The following TXNDC16 variants were observed in gnomAD, a reference collection of about 807,000 sequenced individuals.
TXNDC16 encodes thioredoxin domain containing 16.
In TXNDC16, 74 loss-of-function variants were observed where a neutral mutation model predicts 85.6. That is an observed-to-expected ratio of 0.86 (90% CI 0.72 to 1.05). The LOEUF (loss-of-function observed/expected upper bound fraction) is 1.05. Ranked by LOEUF, TXNDC16 falls within the 50% of genes least tolerant of loss-of-function variation. The pLI is 0.00. For missense variants in TXNDC16, 959 were observed against 947.0 expected, an observed-to-expected ratio of 1.01 and a Z score of -0.17; for synonymous variants, 335 against 326.5, an observed-to-expected ratio of 1.03 and a Z score of -0.28.
At chr14:52,470,215 A>G (rs763242159) in intron 15 of TXNDC16, 42 bp from the exon 16 acceptor site, 4 of 1,449,676 alleles carry the variant, frequency 2.8e-6, no homozygotes, top group Admixed American at 4.3e-5. Flanking sequence ...ATTTTTTAAG[A>G]TATTTTCAGT....
At chr14:52,449,901 A>G (rs766885960) in intron 18 of TXNDC16, among the ~76,000 whole-genome samples, 16 of 151,878 alleles carry the variant, frequency 1.1e-4, no homozygotes, top group Non-Finnish European at 2.4e-4. Context: ...AATTTCTTGG[A>G]AAAAAACCAT....
intron 18 of TXNDC16, among the ~76,000 whole-genome samples, chr14:52,446,225 C>T (rs1360362405): frequency 1.3e-5 from 2 of 152,170 alleles, no homozygotes; most frequent in Non-Finnish European, 2.9e-5. Context: ...CTGGCAGTGG[C>T]CACACTGCAT....
intron 20 of TXNDC16, among the ~76,000 whole-genome samples, chr14:52,438,665 T>C (rs1446890043): frequency 6.6e-6 from 1 of 152,196 alleles, no homozygotes; most frequent in Non-Finnish European, 1.5e-5. Context: ...GGTGGTCTCA[T>C]ACTGAACCCT....
intron 19 of TXNDC16, among the ~76,000 whole-genome samples, chr14:52,439,597 T>C (rs568197581): frequency 4.7e-4 from 71 of 152,348 alleles, no homozygotes; most frequent in Non-Finnish European, 7.5e-4. Flanking sequence ...TGGGGCACTT[T>C]GTTTCACTTG....
intron 2 of TXNDC16, 26 bp from the exon 3 acceptor site, chr14:52,543,656 G>A (rs2037882697): frequency 7.7e-7 from 1 of 1,301,640 alleles, no homozygotes; most frequent in Non-Finnish European, 1.1e-6. Flanking sequence ...TATTCAACAA[G>A]AGTTTGTTGA....
chr14:52,528,811 G>T (rs918547422), intron 6 of TXNDC16, among the ~76,000 whole-genome samples: 5 of 145,222 alleles, frequency 3.4e-5, no homozygotes, highest in Non-Finnish European at 7.5e-5. Flanking sequence ...TTCATATACT[G>T]GTATATATAT....
At chr14:52,552,125 A>C (rs917977367) in intron 1 of TXNDC16, among the ~76,000 whole-genome samples, 191 bp downstream of exon 1, 4 of 152,186 alleles carry the variant, frequency 2.6e-5, no homozygotes, top group African/African-American at 4.8e-5. Context: ...CCCGCCGTTC[A>C]TGCAGCGAAA....
chr14:52,505,770 C>A (rs1349590290), intron 9 of TXNDC16, among the ~76,000 whole-genome samples: 1 of 152,068 alleles, frequency 6.6e-6, no homozygotes, highest in Non-Finnish European at 1.5e-5. Flanking sequence ...TCAAAAAAAT[C>A]AATGAATCCA....
At position 52,517,929 on chromosome 14, in the gene TXNDC16, C is replaced by T. The variant is rs114303223; in HGVS notation, c.514+1243G>A. Among the ~76,000 whole-genome samples, 1,432 of 152,252 alleles carry T rather than the reference C, an allele frequency of 9.4e-3. 23 individuals are homozygous for T. Among genetic ancestry groups the T allele is most frequent in the African/African-American group, 0.033 (1,370 of 41,544 alleles). The stretch of plus-strand genomic sequence containing the variant: ...TATATCCCTCCTATCAGGCATTAAA[C>T]CCCTACCACTCTACAGAAACTGTGC... On this transcript the variant is annotated intron_variant, in intron 7 of 20. Transcript: ENST00000281741.
intron 8 of TXNDC16, among the ~76,000 whole-genome samples, chr14:52,511,954 T>C (rs1451688404): frequency 6.6e-6 from 1 of 152,156 alleles, no homozygotes; most frequent in Non-Finnish European, 1.5e-5. Context: ...CCCTTCAGCA[T>C]GAGAATTCAA....
chr14:52,438,582 A>G (rs2035087391), intron 20 of TXNDC16, among the ~76,000 whole-genome samples: 1 of 152,232 alleles, frequency 6.6e-6, no homozygotes, highest in Admixed American at 6.5e-5. Flanking sequence ...TATAGTGTAA[A>G]CATAACTTTT....
intron 9 of TXNDC16, among the ~76,000 whole-genome samples, chr14:52,509,090 A>C (rs1222920504): frequency 6.6e-6 from 1 of 152,062 alleles, no homozygotes; most frequent in African/African-American, 2.4e-5. Context: ...CCTAGTAAGC[A>C]TCATAAAGTG....
rs754810900 is a variant in TXNDC16, at chr14:52,537,698, A to C, written c.244-26T>G. The C allele has an allele frequency of 2.2e-6, 3 of 1,363,544 alleles. No homozygotes were observed. The South Asian group carries it at 3.5e-5, about 16-fold the overall frequency. 84.5% of individuals were successfully genotyped at this position (1,363,544 alleles called of 1,614,324 possible). On this transcript the variant is annotated intron_variant, in intron 4 of 20. Transcript: ENST00000281741. ...CTTTAAAAGAGTATACTTAAGTTTT[A>C]GCATATATATCAAAAGGTCAAGTTT...
chr14:52,446,042 C>T lies in TXNDC16; in HGVS notation c.1843-5318G>A, dbSNP rs191806237. Among the ~76,000 whole-genome samples, 61 of 152,254 alleles carry T rather than the reference C, an allele frequency of 4.0e-4. No individual in the cohort carries two copies. In the East Asian group the frequency reaches 7.7e-3, roughly 19 times the overall value. The stretch of plus-strand genomic sequence containing the variant: ...TACTCTACCAGTCATCCCCTCTTCC[C>T]CTGCAATGACTACTGCAATTTAACA... On this transcript the variant is annotated intron_variant, in intron 18 of 20. Transcript: ENST00000281741.
chr14:52,506,524 AC>A (rs1466825885), intron 9 of TXNDC16, among the ~76,000 whole-genome samples: 3 of 112,456 alleles, frequency 2.7e-5, no homozygotes, highest in Non-Finnish European at 5.3e-5. Flanking sequence ...AATTTCAACA[AC>A]CCTTTTTTTT....
intron 18 of TXNDC16, among the ~76,000 whole-genome samples, chr14:52,450,402 T>A (rs774299238): frequency 2.1e-5 from 3 of 143,522 alleles, no homozygotes; most frequent in Admixed American, 7.1e-5. Context: ...AAAACCTAAA[T>A]GGACCAATAA....
chr14:52,486,150 T>C (rs2036264313), intron 12 of TXNDC16, among the ~76,000 whole-genome samples: 1 of 152,148 alleles, frequency 6.6e-6, no homozygotes, highest in African/African-American at 2.4e-5. Flanking sequence ...GTCTTCTGTT[T>C]CTTTTTCCTC....
At chr14:52,512,996 C>T (rs1006022704) in intron 8 of TXNDC16, among the ~76,000 whole-genome samples, 2 of 152,028 alleles carry the variant, frequency 1.3e-5, no homozygotes. Context: ...GACTGGCGGG[C>T]CCTAGGTCAG....
intron 6 of TXNDC16, among the ~76,000 whole-genome samples, chr14:52,529,826 T>C (rs2037448153): frequency 9.1e-6 from 1 of 109,412 alleles, no homozygotes; most frequent in African/African-American, 3.8e-5. Context: ...ATATATTATG[T>C]ATTATTACTA....
Sources: allele counts gnomAD v4.1 joint callset (sites outside exome capture counted in the v4.1 genomes callset), GRCh38; gene constraint gnomAD v4.1.1; transcripts MANE v1.5; gene names NCBI Gene and HGNC (gene_info 2026-07-23, HGNC 2026-07-21).